Variants in ATXN2 observed in about 807,000 individuals in gnomAD.
ATXN2 encodes ataxin-2.
ATXN2 carries 37 observed loss-of-function variants against 138.6 expected under a neutral mutation model. That is an observed-to-expected ratio of 0.27 (90% CI 0.21 to 0.35). The LOEUF is 0.35. ATXN2 is among the 10% of genes least tolerant of loss of function. ATXN2 has a pLI of 1.00. For missense variants in ATXN2, 1,216 were observed against 1,480.3 expected (o/e 0.82, Z 2.93); for synonymous variants, 549 against 543.7 (o/e 1.01, Z -0.13).
chr12:111,464,247 G>GGGGTGTGTGTGTGTGTGTGT (rs71445545), intron 21 of ATXN2, among the ~76,000 whole-genome samples: 3 of 134,630 alleles, frequency 2.2e-5, no homozygotes, highest in African/African-American at 8.7e-5. Flanking sequence ...TGTGGCTTGG[G>GGGGTGTGTGTGTGTGTGTGT]GTGTGTGTGT....
chr12:111,569,119 T>A (rs919483284), intron 1 of ATXN2, among the ~76,000 whole-genome samples: 1 of 152,202 alleles, frequency 6.6e-6, no homozygotes, highest in African/African-American at 2.4e-5. Context: ...TCAAAACAAT[T>A]ACCATTCACA....
At position 111,509,778 on chromosome 12, in the gene ATXN2, T is replaced by C. The variant is rs539734127; in HGVS notation, c.1864+113A>G. On this transcript the variant is annotated intron_variant, in intron 13 of 24. Coordinates refer to ENST00000673436, the MANE Select transcript of ATXN2 (RefSeq NM_001372574.1). ...TGGAATTTGTCAAGCAATACATTTA[T>C]CTATCACAATAGTAAGAAGAAATGT... The C allele has an allele frequency of 4.6e-4, 448 of 965,228 alleles. 2 individuals are homozygous for C. The South Asian group carries it at 6.5e-3, about 14-fold the overall frequency. The allele number at this position is 965,228 out of a possible 1,614,324, so 59.8% of individuals were successfully genotyped here.
intron 14 of ATXN2, among the ~76,000 whole-genome samples, chr12:111,503,909 C>A (rs112839900): frequency 6.6e-6 from 1 of 152,106 alleles, no homozygotes; most frequent in African/African-American, 2.4e-5. Flanking sequence ...TTTTTAAAAA[C>A]CACTTCTTTT....
intron 20 of ATXN2, chr12:111,469,897 G>C: frequency 1.9e-6 from 1 of 519,098 alleles, no homozygotes; most frequent in Non-Finnish European, 3.3e-6. Context: ...GTTAAAGCAG[G>C]AAAGAGATCT....
intron 1 of ATXN2, among the ~76,000 whole-genome samples, chr12:111,594,815 T>TAAC (rs1169352503): frequency 1.3e-5 from 2 of 152,100 alleles, no homozygotes; most frequent in Non-Finnish European, 2.9e-5. Context: ...AAAGAAAGGT[T>TAAC]AACAACAACA....
chr12:111,478,778 G>A lies in ATXN2; in HGVS notation c.2524+6487C>T, dbSNP rs1425745501. On this transcript the variant is annotated intron_variant, in intron 18 of 24. Transcript: ENST00000673436. Reference sequence around the variant, plus strand: ...TCCCAACACTTTGGGAGGCTGGGGCGGGTGGATCACTTGTGGTCAGGAGTT... The same window carrying A: ...TCCCAACACTTTGGGAGGCTGGGGCAGGTGGATCACTTGTGGTCAGGAGTT... Among the ~76,000 whole-genome samples the A allele has an allele frequency of 3.9e-5, 6 of 151,900 alleles. No homozygotes were observed. In the South Asian group the frequency reaches 6.2e-4, roughly 16 times the overall value.
At chr12:111,565,310 T>C (rs1408282958) in intron 1 of ATXN2, among the ~76,000 whole-genome samples, 3 of 152,202 alleles carry the variant, frequency 2.0e-5, no homozygotes, top group Non-Finnish European at 4.4e-5. Context: ...GGCAAGTCCA[T>C]TAGTGCCGTA....
chr12:111,465,862 G>T (rs1034640184), intron 20 of ATXN2, among the ~76,000 whole-genome samples: 8 of 148,162 alleles, frequency 5.4e-5, no homozygotes, highest in African/African-American at 2.1e-4. Flanking sequence ...AATGATGGAA[G>T]TTAGATTAAG....
chr12:111,595,518 T>C (rs891763520), intron 1 of ATXN2, among the ~76,000 whole-genome samples: 3 of 151,644 alleles, frequency 2.0e-5, no homozygotes, highest in Admixed American at 1.3e-4. Context: ...GGAACATTCC[T>C]GTAGCCCCAG....
intron 5 of ATXN2, among the ~76,000 whole-genome samples, chr12:111,542,926 C>G (rs1473191060): frequency 6.6e-6 from 1 of 151,926 alleles, no homozygotes; most frequent in African/African-American, 2.4e-5. Flanking sequence ...CTGACTTTGG[C>G]AAACATGATA....
intron 2 of ATXN2, among the ~76,000 whole-genome samples, chr12:111,554,455 G>A (rs561636191): frequency 1.3e-5 from 2 of 152,220 alleles, no homozygotes; most frequent in African/African-American, 4.8e-5. Flanking sequence ...TTTATTATTT[G>A]TTGCAAAATG....
intron 21 of ATXN2, 91 bp from the exon 22 acceptor site, chr12:111,457,450 G>T (rs1875197158): frequency 2.1e-6 from 3 of 1,413,072 alleles, no homozygotes; most frequent in Admixed American, 2.4e-5. Context: ...TTTCTTGATG[G>T]TTACAATGCA....
rs117285519 is a variant in ATXN2, at chr12:111,505,640, G to C, written c.1935+3909C>G. On this transcript the variant is annotated intron_variant, in intron 14 of 24. Transcript: ENST00000673436. Reference sequence around the variant, plus strand: ...GAACTGCACATTAAAGCCACAATGAGGTTAACACTTCACACCCACAAGGAT... The same window carrying C: ...GAACTGCACATTAAAGCCACAATGACGTTAACACTTCACACCCACAAGGAT... 1.8e-4 allele frequency among the ~76,000 whole-genome samples: 28 copies of C among 152,278 alleles called. No homozygotes were observed. In the East Asian group the frequency reaches 5.4e-3, roughly 29 times the overall value.
intron 6 of ATXN2, among the ~76,000 whole-genome samples, chr12:111,522,409 G>A (rs1486340311): frequency 1.3e-5 from 2 of 151,952 alleles, no homozygotes; most frequent in African/African-American, 4.8e-5. Context: ...AGGAGATTGA[G>A]ACCATGCTGG....
chr12:111,494,273 TA>T (rs1272001486), intron 14 of ATXN2, among the ~76,000 whole-genome samples: 5 of 152,176 alleles, frequency 3.3e-5, no homozygotes, highest in Admixed American at 3.3e-4. Flanking sequence ...AAGATATAAA[TA>T]AAAACAACAA....
chr12:111,474,437 AAAGAC>A (rs1592806536), intron 18 of ATXN2, among the ~76,000 whole-genome samples: 1 of 152,014 alleles, frequency 6.6e-6, no homozygotes, highest in African/African-American at 2.4e-5. Flanking sequence ...AAAGAAGAAG[AAAGAC>A]AAGACAAGAA....
intron 18 of ATXN2, 147 bp from the exon 19 acceptor site, chr12:111,470,889 G>T: frequency 1.2e-6 from 1 of 810,196 alleles, no homozygotes; most frequent in Non-Finnish European, 2.0e-6. Context: ...TGCCACTCTG[G>T]GTTATTTTCC....
At chr12:111,509,441 ATGGTT>A (rs1391158262) in intron 14 of ATXN2, 103 bp downstream of exon 14, 4 of 675,822 alleles carry the variant, frequency 5.9e-6, no homozygotes, top group Non-Finnish European at 1.0e-5. Flanking sequence ...TTCTACATAT[ATGGTT>A]TGATGTTTCT....
chr12:111,464,247 G>GGGGGGTGT (rs71445545), intron 21 of ATXN2, among the ~76,000 whole-genome samples: 4 of 134,630 alleles, frequency 3.0e-5, no homozygotes, highest in African/African-American at 1.2e-4. Context: ...TGTGGCTTGG[G>GGGGGGTGT]GTGTGTGTGT....
Sources: gnomAD v4.1 joint callset for allele counts (sites outside exome capture counted in the v4.1 genomes callset) on GRCh38, gnomAD v4.1.1 for gene constraint, MANE v1.5 for transcripts, NCBI Gene and HGNC (gene_info 2026-07-23, HGNC 2026-07-21) for gene names.